NCK2: variants seen among roughly 807,000 people sequenced by gnomAD.
The protein encoded by NCK2 is cytoplasmic protein NCK2.
NCK2 carries 16 observed loss-of-function variants against 33.9 expected under a neutral mutation model. That is an observed-to-expected ratio of 0.47 (90% CI 0.32 to 0.72). NCK2 has a LOEUF of 0.72. Among genes scored for constraint, NCK2 ranks in the 30% least tolerant of loss-of-function variants. The pLI is 0.03. For missense variants in NCK2, 418 were observed against 537.3 expected (o/e 0.78, Z 2.19); for synonymous variants, 273 against 239.9 (o/e 1.14, Z -1.27).
chr2:105,744,731 G>T (rs1343622645), upstream of NCK2, among the ~76,000 whole-genome samples: 3 of 150,682 alleles, frequency 2.0e-5, no homozygotes, highest in Non-Finnish European at 4.4e-5. Flanking sequence ...GGGCGCCCCA[G>T]GTGGGTCTCG....
intron 1 of NCK2, among the ~76,000 whole-genome samples, chr2:105,809,551 T>A (rs533526161): frequency 5.3e-5 from 8 of 152,310 alleles, no homozygotes; most frequent in African/African-American, 1.9e-4. Context: ...TTAGGGTCCC[T>A]GATTCATTTT....
At position 105,881,687 on chromosome 2, in the gene NCK2, G is replaced by A. The variant is rs762683461; in HGVS notation, c.586G>A (p.Val196Met). The change falls in exon 4 of 5, where the codon GTG becomes ATG. Residue 196 changes from valine (V) to methionine (M), a missense_variant. By Grantham distance (21) the Val-to-Met change is conservative (BLOSUM62 1). Transcript: ENST00000233154. ...GCTGAGCAATGGCCAGGGCTCCCGC[G>A]TGCTGCATGTGGTCCAGACGCTGTA... ...ASLSNGQGSR[V>M]LHVVQTLYPF... 2.5e-6 allele frequency: 4 copies of A among 1,613,960 alleles called. No individual in the cohort carries two copies. The South Asian group carries it at 3.3e-5, about 13-fold the overall frequency.
intron 1 of NCK2, among the ~76,000 whole-genome samples, chr2:105,768,834 G>A (rs983408312): frequency 6.6e-6 from 1 of 152,146 alleles, no homozygotes; most frequent in South Asian, 2.1e-4. Flanking sequence ...AGTGACACAT[G>A]GGACGAGGGG....
chr2:105,886,538 C>T (rs538483972), intron 4 of NCK2, among the ~76,000 whole-genome samples: 1 of 152,186 alleles, frequency 6.6e-6, no homozygotes, highest in South Asian at 2.1e-4. Flanking sequence ...TCCTGAGAAC[C>T]TATGAACTCC....
chr2:105,787,680 C>T (rs1396928972), intron 1 of NCK2, among the ~76,000 whole-genome samples: 2 of 152,146 alleles, frequency 1.3e-5, no homozygotes, highest in Non-Finnish European at 2.9e-5. Flanking sequence ...GACTCCACCC[C>T]ATGGGGTGTC....
intron 1 of NCK2, among the ~76,000 whole-genome samples, chr2:105,806,774 A>G (rs1173418518): frequency 6.6e-6 from 1 of 152,094 alleles, no homozygotes; most frequent in Non-Finnish European, 1.5e-5. Flanking sequence ...CGGTATTTTC[A>G]GTTTCTTAGA....
At chr2:105,825,855 C>T (rs924821026) in intron 2 of NCK2, among the ~76,000 whole-genome samples, 5 of 152,182 alleles carry the variant, frequency 3.3e-5, no homozygotes, top group Non-Finnish European at 7.3e-5. Flanking sequence ...ACCCTCTAGT[C>T]CTCAGGACTG....
At chr2:105,847,917 T>A (rs1676915124) in intron 2 of NCK2, among the ~76,000 whole-genome samples, 1 of 152,202 alleles carries the variant, frequency 6.6e-6, no homozygotes. Flanking sequence ...AAGGGAGCTG[T>A]GACCCAAGAC....
chr2:105,840,426 T>G (rs917450237), intron 2 of NCK2, among the ~76,000 whole-genome samples: 14 of 152,184 alleles, frequency 9.2e-5, no homozygotes, highest in Admixed American at 8.5e-4. Flanking sequence ...TACTCTACTC[T>G]CACAACACAC....
At chr2:105,799,630 A>G (rs73949306) in intron 1 of NCK2, among the ~76,000 whole-genome samples, 4,530 of 152,326 alleles carry the variant, frequency 0.03, 97 homozygotes, top group African/African-American at 0.043. Context: ...TAAAGCAGAA[A>G]AACAAAACGG....
intron 3 of NCK2, among the ~76,000 whole-genome samples, chr2:105,861,931 CCCT>C: frequency 6.7e-6 from 1 of 148,380 alleles, no homozygotes; most frequent in Admixed American, 6.7e-5. Flanking sequence ...CTCCCTCCCT[CCCT>C]CCTGCCCGCT....
At chr2:105,848,333 C>G (rs548041408) in intron 2 of NCK2, among the ~76,000 whole-genome samples, 1 of 152,308 alleles carries the variant, frequency 6.6e-6, no homozygotes, top group African/African-American at 2.4e-5. Context: ...TGAAGAGGAT[C>G]TTTCACAAAA....
intron 2 of NCK2, among the ~76,000 whole-genome samples, chr2:105,839,253 T>G (rs1292832626): frequency 6.6e-6 from 1 of 152,022 alleles, no homozygotes; most frequent in East Asian, 1.9e-4. Context: ...TCTGTTTGGG[T>G]GGGAAGCTGC....
intron 2 of NCK2, among the ~76,000 whole-genome samples, chr2:105,818,284 G>C (rs1450036077): frequency 5.0e-3 from 20 of 4,028 alleles, no homozygotes; most frequent in Non-Finnish European, 7.6e-3. Context: ...GTTTTGGGGT[G>C]GGGGGAGGGG....
At chr2:105,879,485 T>C (rs1238282491) in intron 3 of NCK2, among the ~76,000 whole-genome samples, 1 of 152,260 alleles carries the variant, frequency 6.6e-6, no homozygotes, top group African/African-American at 2.4e-5. Context: ...GGTTTGTGTT[T>C]TTATATAAGT....
intron 1 of NCK2, among the ~76,000 whole-genome samples, chr2:105,799,788 C>T (rs1674748633): frequency 6.6e-6 from 1 of 152,186 alleles, no homozygotes; most frequent in Admixed American, 6.5e-5. Flanking sequence ...AGATCCATTT[C>T]AAGAAGCCAT....
At chr2:105,794,604 C>T (rs981689733) in intron 1 of NCK2, among the ~76,000 whole-genome samples, 1 of 152,140 alleles carries the variant, frequency 6.6e-6, no homozygotes, top group African/African-American at 2.4e-5. Context: ...GATAATTCCT[C>T]TCTGTACTTA....
chr2:105,788,649 C>G, intron 1 of NCK2, among the ~76,000 whole-genome samples: 1 of 152,144 alleles, frequency 6.6e-6, no homozygotes, highest in East Asian at 1.9e-4. Flanking sequence ...GCAGAACTTC[C>G]TCATCTCTAA....
chr2:105,824,967 G>C (rs1235691330), intron 2 of NCK2, among the ~76,000 whole-genome samples: 1 of 152,190 alleles, frequency 6.6e-6, no homozygotes, highest in African/African-American at 2.4e-5. Flanking sequence ...GAGCATCAGG[G>C]ATTCCCCCAA....
Sources: allele counts gnomAD v4.1 joint callset (sites outside exome capture counted in the v4.1 genomes callset), GRCh38; gene constraint gnomAD v4.1.1; transcripts MANE v1.5; gene names NCBI Gene and HGNC (gene_info 2026-07-23, HGNC 2026-07-21).